Variants in DZIP1L observed in about 807,000 individuals in gnomAD.
The protein encoded by DZIP1L is DAZ interacting zinc finger protein 1 like, also known as cilium assembly protein DZIP1L.
Under a neutral mutation model 88.7 loss-of-function variants are expected in DZIP1L, and 90 were observed. The observed-to-expected ratio is 1.02, with a 90% CI of 0.86 to 1.21. The LOEUF (loss-of-function observed/expected upper bound fraction) is 1.21. DZIP1L is among the 50% of genes most tolerant of loss of function. The probability of loss-of-function intolerance (pLI) is 0.00; values close to 1 mark genes in which losing one functional copy is unlikely to be tolerated. For missense variants in DZIP1L, 932 were observed against 955.8 expected, an observed-to-expected ratio of 0.98 and a Z score of 0.33; for synonymous variants, 363 against 372.1, an observed-to-expected ratio of 0.98 and a Z score of 0.28.
At chr3:138,082,729 C>T (rs1239759522) in intron 8 of DZIP1L, among the ~76,000 whole-genome samples, 2 of 152,216 alleles carry the variant, frequency 1.3e-5, no homozygotes, top group Non-Finnish European at 2.9e-5. Flanking sequence ...GTCTCCTTTG[C>T]CTACCTCTAC....
intron 1 of DZIP1L, among the ~76,000 whole-genome samples, chr3:138,111,682 C>T (rs1404995683): frequency 6.6e-6 from 1 of 152,102 alleles, no homozygotes; most frequent in African/African-American, 2.4e-5. Flanking sequence ...TCTTAGATGT[C>T]CTAGAGCTCT....
chr3:138,081,233 C>T (rs1222841356), intron 9 of DZIP1L, among the ~76,000 whole-genome samples: 1 of 152,082 alleles, frequency 6.6e-6, no homozygotes, highest in Non-Finnish European at 1.5e-5. Flanking sequence ...TGTGGGTTGC[C>T]GTCTACCTTT....
chr3:138,094,900 C>G lies in DZIP1L; in HGVS notation c.670G>C (p.Glu224Gln), dbSNP rs1342587844. The G allele has an allele frequency of 6.2e-7, 1 of 1,614,262 alleles. No individual in the cohort carries two copies. Among genetic ancestry groups the G allele is most frequent in the Non-Finnish European group, 8.5e-7 (1 of 1,180,042 alleles). Residue 224 changes from glutamate (E) to glutamine (Q), a missense_variant, in exon 4 of 16, where the codon GAA becomes CAA. Physicochemically the swap from Glu to Gln is conservative, Grantham distance 29 (BLOSUM62 2). Transcript: ENST00000327532. Reference protein sequence around the residue: ...AKLKWTQGELEAQREAERQRQ... With the variant: ...AKLKWTQGELQAQREAERQRQ... Reference sequence around the variant, plus strand: ...TGCCTCTCCGCCTCCCTCTGGGCTTCCAGCTCCCCTTGGGTCCACTTTAGC... The same window carrying G: ...TGCCTCTCCGCCTCCCTCTGGGCTTGCAGCTCCCCTTGGGTCCACTTTAGC...
chr3:138,089,564 T>C (rs987578749), intron 5 of DZIP1L, among the ~76,000 whole-genome samples: 18 of 152,234 alleles, frequency 1.2e-4, no homozygotes, highest in Admixed American at 1.1e-3. Flanking sequence ...CATATAGTTT[T>C]CATTGGCCTT....
At chr3:138,070,245 C>A (rs1281876263) in intron 12 of DZIP1L, among the ~76,000 whole-genome samples, 1 of 152,184 alleles carries the variant, frequency 6.6e-6, no homozygotes, top group Non-Finnish European at 1.5e-5. Context: ...ACAGAGTCAA[C>A]CTCAGCAAGT....
chr3:138,086,244 A>T (rs1943931027), intron 7 of DZIP1L, among the ~76,000 whole-genome samples: 1 of 151,668 alleles, frequency 6.6e-6, no homozygotes, highest in Admixed American at 6.6e-5. Context: ...GTACCCTAAA[A>T]CTTAAAGTAT....
At chr3:138,101,521 T>G in intron 2 of DZIP1L, 1 of 795,802 alleles carries the variant, frequency 1.3e-6, no homozygotes, top group Non-Finnish European at 2.2e-6. Flanking sequence ...CAGCTTCCCA[T>G]CGCAAGTCTC....
rs62280629 is a variant in DZIP1L at position 138,109,032 on chromosome 3, T to C, written c.-81-4980A>G. Among the ~76,000 whole-genome samples, 494 of 152,314 alleles carry C rather than the reference T, an allele frequency of 3.2e-3. 3 individuals carry two copies. Among genetic ancestry groups the C allele is most frequent in the Non-Finnish European group, 5.1e-3 (350 of 68,024 alleles). ...GTGGCAAACCTGAGAGTGCAGGCCC[T>C]GTTTAAGGTGGGAAACCACTATTGA... On this transcript the variant is annotated intron_variant, in intron 1 of 15. Coordinates refer to ENST00000327532, the MANE Select transcript of DZIP1L (RefSeq NM_173543.3).
intron 2 of DZIP1L, 113 bp from the exon 3 acceptor site, chr3:138,097,960 TAAAG>T: frequency 1.2e-6 from 1 of 840,902 alleles, no homozygotes; most frequent in Non-Finnish European, 1.9e-6. Flanking sequence ...GCTTCAGAAA[TAAAG>T]AATTTAATTT....
chr3:138,109,028 G>A (rs1286798731), intron 1 of DZIP1L, among the ~76,000 whole-genome samples: 6 of 152,124 alleles, frequency 3.9e-5, no homozygotes, highest in African/African-American at 1.2e-4. Context: ...GAGAGTGCAG[G>A]CCCTGTTTAA....
At chr3:138,075,370 A>G (rs1269070388) in intron 11 of DZIP1L, among the ~76,000 whole-genome samples, 1 of 152,246 alleles carries the variant, frequency 6.6e-6, no homozygotes, top group Non-Finnish European at 1.5e-5. Flanking sequence ...TCATCAGCAC[A>G]TGGAACATTC....
At chr3:138,076,534 G>GATA (rs1232347261) in intron 11 of DZIP1L, among the ~76,000 whole-genome samples, 7 of 152,168 alleles carry the variant, frequency 4.6e-5, no homozygotes, top group South Asian at 2.1e-4. Flanking sequence ...TCAATGAGTG[G>GATA]ATAAAGAAAC....
intron 6 of DZIP1L, among the ~76,000 whole-genome samples, chr3:138,087,967 C>T (rs941113504): frequency 2.0e-5 from 3 of 152,218 alleles, no homozygotes; most frequent in Non-Finnish European, 4.4e-5. Context: ...ATTTACACCA[C>T]GGAAATTGGC....
At position 138,104,071 on chromosome 3, in the gene DZIP1L, G is replaced by A. The variant is rs2042409024; in HGVS notation, c.-81-19C>T. 1 of 1,503,172 alleles carries A rather than the reference G, an allele frequency of 6.7e-7. No homozygotes were observed. Among genetic ancestry groups the A allele is most frequent in the Non-Finnish European group, 8.8e-7 (1 of 1,138,244 alleles). 93.1% of individuals were successfully genotyped at this position (1,503,172 alleles called of 1,614,324 possible). A position where few individuals can be genotyped will look rare whatever the true frequency, so the allele number is the denominator to read the frequency against. On this transcript the variant is annotated intron_variant, in intron 1 of 15. Coordinates refer to ENST00000327532, the MANE Select transcript of DZIP1L (RefSeq NM_173543.3). The stretch of plus-strand genomic sequence containing the variant: ...AGAAGGCCTGGAAAATAAGAAGAGA[G>A]TCCAAGTTAGGTGAGGTGTGTGTGG...
At chr3:138,077,456 A>C in intron 11 of DZIP1L, 43 bp downstream of exon 11, 1 of 1,609,650 alleles carries the variant, frequency 6.2e-7, no homozygotes, top group East Asian at 2.2e-5. Flanking sequence ...TTAGTGTCTA[A>C]ATCGTAGGTA....
intron 5 of DZIP1L, chr3:138,089,050 C>T (rs1944084002): frequency 1.0e-6 from 1 of 985,362 alleles, no homozygotes; most frequent in Non-Finnish European, 1.2e-6. Context: ...GAGAGGATGC[C>T]TTTCCACCCA....
intron 8 of DZIP1L, among the ~76,000 whole-genome samples, chr3:138,083,149 C>T (rs568974824): frequency 4.5e-4 from 68 of 152,346 alleles, no homozygotes; most frequent in African/African-American, 1.4e-3. Context: ...CAGGACATTA[C>T]AGCCAGCAGG....
At chr3:138,111,347 T>G (rs1404439658) in intron 1 of DZIP1L, among the ~76,000 whole-genome samples, 1 of 152,154 alleles carries the variant, frequency 6.6e-6, no homozygotes, top group African/African-American at 2.4e-5. Context: ...AGTAAATGCT[T>G]TATTTGTTGA....
intron 1 of DZIP1L, among the ~76,000 whole-genome samples, chr3:138,106,238 A>C (rs1267874907): frequency 7.3e-6 from 1 of 137,472 alleles, no homozygotes; most frequent in Non-Finnish European, 1.5e-5. Flanking sequence ...TCCCGGGTTC[A>C]TGCAATTCTC....
Sources: gnomAD v4.1 joint callset for allele counts (sites outside exome capture counted in the v4.1 genomes callset) on GRCh38, gnomAD v4.1.1 for gene constraint, MANE v1.5 for transcripts, NCBI Gene and HGNC (gene_info 2026-07-23, HGNC 2026-07-21) for gene names.